The following NUCKS1 variants were observed in gnomAD, a reference collection of about 807,000 sequenced individuals.
The protein encoded by NUCKS1 is nuclear casein kinase and cyclin dependent kinase substrate 1.
Under a neutral mutation model 33.0 loss-of-function variants are expected in NUCKS1, and 2 were observed. The ratio of observed to expected loss-of-function variants is 0.06; its 90% CI spans 0.02 to 0.19. NUCKS1 has a LOEUF of 0.19. NUCKS1 is among the 10% of genes least tolerant of loss of function. The probability of loss-of-function intolerance (pLI) is 1.00; values close to 1 mark genes in which losing one functional copy is unlikely to be tolerated. For missense variants in NUCKS1, 201 were observed against 293.6 expected (o/e 0.68, Z 2.31); for synonymous variants, 106 against 102.8 (o/e 1.03, Z -0.19).
chr1:205,720,463 GACCAAACA>G, intron 5 of NUCKS1, 30 bp downstream of exon 5: 1 of 1,594,098 alleles, frequency 6.3e-7, no homozygotes, highest in Non-Finnish European at 8.5e-7. Context: ...CTACAATTAT[GACCAAACA>G]ACCAAAGTAC....
intron 1 of NUCKS1, among the ~76,000 whole-genome samples, chr1:205,748,058 G>A (rs1654375353): frequency 6.6e-6 from 1 of 150,654 alleles, no homozygotes; most frequent in East Asian, 1.9e-4. Context: ...AATAAACAAG[G>A]TCAAAATTAG....
intron 3 of NUCKS1, among the ~76,000 whole-genome samples, chr1:205,726,942 G>A (rs1279421772): frequency 6.6e-6 from 1 of 151,984 alleles, no homozygotes; most frequent in Non-Finnish European, 1.5e-5. Flanking sequence ...TAACAAGGCA[G>A]AAATTACAAT....
At position 205,717,622 on chromosome 1, in the gene NUCKS1, A is replaced by G; in HGVS notation, c.*658T>C. The G allele has an allele frequency of 1.0e-6, 1 of 985,272 alleles. No individual in the cohort carries two copies. Among genetic ancestry groups the G allele is most frequent in the Non-Finnish European group, 1.2e-6 (1 of 829,968 alleles). 61.0% of individuals were successfully genotyped at this position (985,272 alleles called of 1,614,324 possible). On this transcript the variant is annotated 3_prime_UTR_variant, in exon 7 of 7. Coordinates refer to ENST00000367142, the MANE Select transcript of NUCKS1 (RefSeq NM_022731.5). Reference sequence around the variant, plus strand: ...CCATACCCTCAAATAAGGTCAGGTAACCCCATTGCCCACCCTCCCTACAAG... The same window carrying G: ...CCATACCCTCAAATAAGGTCAGGTAGCCCCATTGCCCACCCTCCCTACAAG...
At chr1:205,729,691 T>A (rs1011851497) in intron 1 of NUCKS1, 70 bp from the exon 2 acceptor site, 2 of 1,141,602 alleles carry the variant, frequency 1.8e-6, no homozygotes, top group African/African-American at 3.1e-5. Flanking sequence ...AGAACACACA[T>A]TTCTCTTTCA....
chr1:205,728,571 A>C (rs1653831525), intron 2 of NUCKS1, among the ~76,000 whole-genome samples: 2 of 152,218 alleles, frequency 1.3e-5, no homozygotes, highest in African/African-American at 4.8e-5. Flanking sequence ...GACATGTAGC[A>C]AGCATTTAAT....
Position 205,713,049 on chromosome 1 carries a change from GATGGTCACTGTTAA to G in NUCKS1, c.*5217_*5230del, listed in dbSNP as rs2102424930. The G allele has an allele frequency of 6.6e-6, 1 of 152,244 alleles. No individual in the cohort carries two copies. Among genetic ancestry groups the G allele is most frequent in the African/African-American group, 2.4e-5 (1 of 41,530 alleles). The allele number at this position is 152,244 out of a possible 1,614,324, so 9.4% of individuals were successfully genotyped here. Reference sequence around the variant, plus strand: ...ATGTTTATCTTTTACCAACAACAGGGATGGTCACTGTTAAAGTTTCTAAATAATTTATTAGGGAA... The same window carrying G: ...ATGTTTATCTTTTACCAACAACAGGGAGTTTCTAAATAATTTATTAGGGAA... On this transcript the variant is annotated 3_prime_UTR_variant, in exon 7 of 7. Coordinates refer to ENST00000367142, the MANE Select transcript of NUCKS1 (RefSeq NM_022731.5).
chr1:205,744,552 C>G (rs146526408), intron 1 of NUCKS1, among the ~76,000 whole-genome samples: 24 of 149,228 alleles, frequency 1.6e-4, no homozygotes, highest in African/African-American at 5.9e-4. Flanking sequence ...ATTTTCATAA[C>G]TTACATGGTG....
At chr1:205,726,589 T>C (rs1653782405) in intron 3 of NUCKS1, among the ~76,000 whole-genome samples, 1 of 152,234 alleles carries the variant, frequency 6.6e-6, no homozygotes, top group African/African-American at 2.4e-5. Context: ...TTTCATTTAT[T>C]TGAACTGCTC....
At chr1:205,735,591 T>TA (rs1354357856) in intron 1 of NUCKS1, among the ~76,000 whole-genome samples, 1 of 152,196 alleles carries the variant, frequency 6.6e-6, no homozygotes, top group Non-Finnish European at 1.5e-5. Flanking sequence ...TCCTGACTCT[T>TA]ACTAGTTGTA....
At chr1:205,725,514 T>C (rs1034327173) in intron 3 of NUCKS1, among the ~76,000 whole-genome samples, 3 of 152,210 alleles carry the variant, frequency 2.0e-5, no homozygotes, top group African/African-American at 7.2e-5. Flanking sequence ...TGTATAAATG[T>C]TTTTTATGCA....
intron 1 of NUCKS1, among the ~76,000 whole-genome samples, chr1:205,743,443 C>T (rs1016458317): frequency 1.6e-4 from 25 of 152,188 alleles, no homozygotes; most frequent in Non-Finnish European, 3.2e-4. Flanking sequence ...AATCACTAAT[C>T]GACTTAAAAC....
intron 2 of NUCKS1, among the ~76,000 whole-genome samples, chr1:205,729,020 G>A (rs1653844960): frequency 6.6e-6 from 1 of 152,012 alleles, no homozygotes; most frequent in African/African-American, 2.4e-5. Context: ...CCAGGCTGGA[G>A]TGCAGTGGCG....
At chr1:205,725,494 G>A (rs562491168) in intron 3 of NUCKS1, among the ~76,000 whole-genome samples, 2 of 152,258 alleles carry the variant, frequency 1.3e-5, no homozygotes, top group African/African-American at 4.8e-5. Context: ...TCTGAAACCT[G>A]TGACTGTTCT....
At chr1:205,737,305 C>T (rs1654056605) in intron 1 of NUCKS1, among the ~76,000 whole-genome samples, 1 of 152,140 alleles carries the variant, frequency 6.6e-6, no homozygotes, top group African/African-American at 2.4e-5. Context: ...CCTCCTTTTC[C>T]ATAATCTAAG....
intron 1 of NUCKS1, among the ~76,000 whole-genome samples, chr1:205,749,665 T>C (rs1436745024): frequency 2.0e-5 from 3 of 151,562 alleles, no homozygotes; most frequent in Non-Finnish European, 4.4e-5. Flanking sequence ...CTCCGGCCGC[T>C]GGCGGCTCAG....
rs1671774024 is a variant in NUCKS1, at chr1:205,713,272, AAAG to A, written c.*5005_*5007del. The A allele has an allele frequency of 6.6e-6, 1 of 152,180 alleles. No homozygotes were observed. 9.4% of individuals were successfully genotyped at this position (152,180 alleles called of 1,614,324 possible). On this transcript the variant is annotated 3_prime_UTR_variant, in exon 7 of 7. Coordinates refer to ENST00000367142, the MANE Select transcript of NUCKS1 (RefSeq NM_022731.5). ...TTACAAAAGAAAAAAAGATACAGAA[AAAG>A]AATAACTTGCTTCATATGTCCCAAA...
intron 1 of NUCKS1, among the ~76,000 whole-genome samples, chr1:205,735,438 T>C (rs1305476136): frequency 1.3e-5 from 2 of 152,218 alleles, no homozygotes; most frequent in Non-Finnish European, 2.9e-5. Context: ...AATGTATCCC[T>C]GGTGCTATGT....
chr1:205,746,139 TAC>T (rs1403931292), intron 1 of NUCKS1, among the ~76,000 whole-genome samples: 1 of 146,428 alleles, frequency 6.8e-6, no homozygotes, highest in East Asian at 2.8e-4. Context: ...CTACTAAAAA[TAC>T]AAAAGTTAGC....
At position 205,732,253 on chromosome 1, in the gene NUCKS1, C is replaced by T. The variant is rs73080331; in HGVS notation, c.18-2632G>A. Among the ~76,000 whole-genome samples, 713 of 152,146 alleles carry T rather than the reference C, an allele frequency of 4.7e-3. 5 individuals are homozygous for T. The highest frequency in any genetic ancestry group is 0.016 in the African/African-American group (677 of 41,490). ...ATTGTAAGAAGCTGAGTTTATATTA[C>T]CAAAGATACTATATTATTAGGAAAG... On this transcript the variant is annotated intron_variant, in intron 1 of 6. Coordinates refer to ENST00000367142, the MANE Select transcript of NUCKS1 (RefSeq NM_022731.5).
Sources: allele counts gnomAD v4.1 joint callset (sites outside exome capture counted in the v4.1 genomes callset), GRCh38; gene constraint gnomAD v4.1.1; transcripts MANE v1.5; gene names NCBI Gene and HGNC (gene_info 2026-07-23, HGNC 2026-07-21).